Variants in LRP1B observed in about 807,000 individuals in gnomAD.
LRP1B encodes low-density lipoprotein receptor-related protein 1B.
In LRP1B, 217 loss-of-function variants were observed where a neutral mutation model predicts 556.6. The ratio of observed to expected loss-of-function variants is 0.39; its 90% CI spans 0.35 to 0.44. The LOEUF is 0.44. LRP1B is among the 20% of genes least tolerant of loss of function. The probability of loss-of-function intolerance (pLI) is 1.00; values close to 1 mark genes in which losing one functional copy is unlikely to be tolerated. For synonymous variants in LRP1B, 2,047 were observed against 1,865.8 expected (o/e 1.10, Z -2.50); for missense variants, 5,053 against 5,620.8 (o/e 0.90, Z 3.23).
At chr2:140,556,273 T>C (rs114529116) in intron 43 of LRP1B, among the ~76,000 whole-genome samples, 2 of 151,960 alleles carry the variant, frequency 1.3e-5, no homozygotes, top group Non-Finnish European at 2.9e-5. Context: ...TAATCTGCCC[T>C]TGGAGGAAAG....
At chr2:140,490,102 T>C (rs966280789) in intron 57 of LRP1B, among the ~76,000 whole-genome samples, 5 of 152,060 alleles carry the variant, frequency 3.3e-5, no homozygotes, top group African/African-American at 1.2e-4. Context: ...GTTTCAGAGA[T>C]GAAAATTTGT....
intron 1 of LRP1B, among the ~76,000 whole-genome samples, chr2:141,928,590 A>G (rs1342412293): frequency 1.3e-5 from 2 of 152,154 alleles, no homozygotes; most frequent in Non-Finnish European, 2.9e-5. Flanking sequence ...TGAGTCAAAC[A>G]TATTGGTATC....
At chr2:140,671,296 G>A (rs1458182704) in intron 41 of LRP1B, among the ~76,000 whole-genome samples, 2 of 152,124 alleles carry the variant, frequency 1.3e-5, no homozygotes, top group African/African-American at 2.4e-5. Context: ...CAAGGCGGGC[G>A]GATCATGAGG....
chr2:141,308,795 C>T (rs1363164279), intron 3 of LRP1B, among the ~76,000 whole-genome samples: 1 of 152,018 alleles, frequency 6.6e-6, no homozygotes, highest in Non-Finnish European at 1.5e-5. Context: ...TACCATCATC[C>T]CATATATTTC....
At chr2:141,884,224 AT>A (rs11348339) in intron 1 of LRP1B, among the ~76,000 whole-genome samples, 55,508 of 151,758 alleles carry the variant, frequency 0.37, 11,320 homozygotes, top group Admixed American at 0.48. Context: ...AAAAATAAAA[AT>A]AATAGCCAGG....
chr2:140,573,913 T>G (rs917633405), intron 43 of LRP1B, among the ~76,000 whole-genome samples: 1 of 152,076 alleles, frequency 6.6e-6, no homozygotes, highest in Non-Finnish European at 1.5e-5. Context: ...AATAATTAAT[T>G]AAGCTGTACA....
rs199955366 is a variant in LRP1B at position 141,638,896 on chromosome 2, C to T, written c.206-158363G>A. On this transcript the variant is annotated intron_variant, in intron 2 of 90. Transcript: ENST00000389484. The stretch of plus-strand genomic sequence containing the variant: ...ATATATATATATGTGTGTGTATGTG[C>T]GTGTGTGTGTGTGTGTGTATACATA... 7.5e-4 allele frequency among the ~76,000 whole-genome samples: 43 copies of T among 57,612 alleles called. 4 individuals carry two copies. The highest frequency in any genetic ancestry group is 0.013 in the Middle Eastern group (1 of 80). 37.8% of individuals were successfully genotyped at this position (57,612 alleles called of 152,430 possible).
intron 2 of LRP1B, among the ~76,000 whole-genome samples, chr2:141,519,390 TATATATATATATGAA>T (rs1332796768): frequency 0.11 from 2,843 of 26,030 alleles, 97 homozygotes; most frequent in Middle Eastern, 0.15. Context: ...TATATATATA[TATATATATATATGAA>T]ATGCAATATT....
intron 2 of LRP1B, among the ~76,000 whole-genome samples, chr2:141,800,800 GAATA>G (rs1246786094): frequency 6.6e-6 from 1 of 152,164 alleles, no homozygotes; most frequent in Non-Finnish European, 1.5e-5. Context: ...AAAAGGTATG[GAATA>G]AATTGTTGCT....
At chr2:142,104,844 T>A (rs1477253900) in intron 1 of LRP1B, among the ~76,000 whole-genome samples, 1 of 152,198 alleles carries the variant, frequency 6.6e-6, no homozygotes, top group African/African-American at 2.4e-5. Context: ...GAGCTTCATA[T>A]TGTCTTTACC....
At chr2:142,108,611 G>C (rs972441517) in intron 1 of LRP1B, among the ~76,000 whole-genome samples, 1 of 152,096 alleles carries the variant, frequency 6.6e-6, no homozygotes, top group African/African-American at 2.4e-5. Context: ...TGAAATATAG[G>C]CTTCATGAAA....
At chr2:141,609,089 A>G (rs1054277210) in intron 2 of LRP1B, among the ~76,000 whole-genome samples, 2 of 152,176 alleles carry the variant, frequency 1.3e-5, no homozygotes, top group African/African-American at 4.8e-5. Context: ...TATTTCTAAC[A>G]TTTTTAAAAA....
intron 22 of LRP1B, among the ~76,000 whole-genome samples, chr2:140,905,696 G>T (rs188026628): frequency 2.6e-4 from 40 of 152,052 alleles, no homozygotes; most frequent in Admixed American, 9.8e-4. Context: ...AACCCCCTTA[G>T]TGCCTTTTCC....
chr2:140,559,660 T>G (rs1370533033), intron 43 of LRP1B, among the ~76,000 whole-genome samples: 1 of 151,748 alleles, frequency 6.6e-6, no homozygotes, highest in Non-Finnish European at 1.5e-5. Context: ...TTAATGGCCA[T>G]ATGGGGGGAC....
chr2:140,482,969 T>C (rs1272787754), intron 59 of LRP1B, among the ~76,000 whole-genome samples: 1 of 152,172 alleles, frequency 6.6e-6, no homozygotes, highest in Non-Finnish European at 1.5e-5. Context: ...TGAAGCAAGA[T>C]TGCATAATAT....
At chr2:140,413,096 G>A (rs1408249637) in intron 66 of LRP1B, among the ~76,000 whole-genome samples, 2 of 152,088 alleles carry the variant, frequency 1.3e-5, no homozygotes, top group Non-Finnish European at 2.9e-5. Context: ...TTGGTATAAA[G>A]TATAAAAGTA....
intron 17 of LRP1B, among the ~76,000 whole-genome samples, chr2:140,985,070 A>T (rs1696878560): frequency 6.6e-6 from 1 of 152,046 alleles, no homozygotes; most frequent in Admixed American, 6.6e-5. Flanking sequence ...TGCTTCTCTA[A>T]GGAGGAAGAA....
chr2:140,246,329 CA>C (rs1681159177), intron 87 of LRP1B, among the ~76,000 whole-genome samples: 1 of 151,348 alleles, frequency 6.6e-6, no homozygotes, highest in Non-Finnish European at 1.5e-5. Context: ...ATAGACAATA[CA>C]AATTTTTCAA....
intron 2 of LRP1B, among the ~76,000 whole-genome samples, chr2:141,525,329 C>T (rs904529127): frequency 6.6e-6 from 1 of 151,936 alleles, no homozygotes; most frequent in Admixed American, 6.6e-5. Context: ...GGACAATTGA[C>T]ATTGTATTTG....
Sources: gnomAD v4.1 joint callset for allele counts (sites outside exome capture counted in the v4.1 genomes callset) on GRCh38, gnomAD v4.1.1 for gene constraint, MANE v1.5 for transcripts, NCBI Gene and HGNC (gene_info 2026-07-23, HGNC 2026-07-21) for gene names.